The following TFAP2C variants were observed in gnomAD, a reference collection of about 807,000 sequenced individuals.
The protein encoded by TFAP2C is transcription factor AP-2 gamma, also known as activating enhancer-binding protein 2 gamma.
In TFAP2C, 9 loss-of-function variants were observed where a neutral mutation model predicts 42.9. That is an observed-to-expected ratio of 0.21 (90% CI 0.13 to 0.37). The LOEUF (loss-of-function observed/expected upper bound fraction) is 0.37. Ranked by LOEUF, TFAP2C falls within the 10% of genes least tolerant of loss-of-function variation. The pLI is 1.00. For synonymous variants in TFAP2C, 264 were observed against 256.0 expected (o/e 1.03, Z -0.30); for missense variants, 462 against 591.7 (o/e 0.78, Z 2.27).
In TFAP2C at chr20:56,630,824, G is replaced by C. The variant is rs1467538227; in HGVS notation, c.49-381G>C. On this transcript the variant is annotated intron_variant, in intron 1 of 6. Coordinates refer to ENST00000201031, the MANE Select transcript of TFAP2C (RefSeq NM_003222.4). The surrounding 1 kb of genome is among the most constrained non-coding windows in gnomAD (Gnocchi z 5.1). ...GCTCCACGAGATAGCTCTGCACCGG[G>C]CGTCCGGCTCCTTCGCCCCGGGCTC... is the stretch of plus-strand genomic sequence containing the variant. 3.0e-6 allele frequency: 3 copies of C among 985,264 alleles called. No individual in the cohort carries two copies. Among genetic ancestry groups the C allele is most frequent in the Non-Finnish European group, 3.6e-6 (3 of 829,914 alleles). The allele number at this position is 985,264 out of a possible 1,614,324, so 61.0% of individuals were successfully genotyped here.
At chr20:56,633,805 G>A (rs371289080) in intron 4 of TFAP2C, among the ~76,000 whole-genome samples, 13 of 152,178 alleles carry the variant, frequency 8.5e-5, no homozygotes, top group African/African-American at 3.1e-4. Flanking sequence ...TGAAGTGATA[G>A]CATCTGTATT....
chr20:56,633,151 C>G (rs1051662300), intron 3 of TFAP2C, among the ~76,000 whole-genome samples: 1 of 151,518 alleles, frequency 6.6e-6, no homozygotes. Context: ...GAGCAGAGAT[C>G]ACACCACTGC....
rs1987466898 is a variant in TFAP2C at position 56,630,489 on chromosome 20, T to C, written c.49-716T>C. 2 of 354,526 alleles carry C rather than the reference T, an allele frequency of 5.6e-6. No homozygotes were observed. The highest frequency in any genetic ancestry group is 1.1e-5 in the Non-Finnish European group (2 of 175,634). The allele number at this position is 354,526 out of a possible 1,614,324, so 22.0% of individuals were successfully genotyped here. ...AAGGCTGCCCAATTTCCAGGGTTCT[T>C]CATGCCCCCTCTGCGCCCCGACGTG... is the stretch of plus-strand genomic sequence containing the variant. On this transcript the variant is annotated intron_variant, in intron 1 of 6. Coordinates refer to ENST00000201031, the MANE Select transcript of TFAP2C (RefSeq NM_003222.4). The surrounding 1 kb of genome is among the most constrained non-coding windows in gnomAD (Gnocchi z 5.1).
intron 5 of TFAP2C, 106 bp downstream of exon 5, chr20:56,634,374 G>A (rs1294388878): frequency 1.3e-6 from 1 of 776,122 alleles, no homozygotes. Flanking sequence ...TTGGTTGCAA[G>A]TAGAGATGAA....
In TFAP2C at chr20:56,637,332, G is replaced by T. The variant is rs528511935; in HGVS notation, c.1068-396G>T. Among the ~76,000 whole-genome samples the T allele has an allele frequency of 1.5e-3, 231 of 152,306 alleles. 9 individuals are homozygous for T. In the South Asian group the frequency reaches 0.046, roughly 30 times the overall value. On this transcript the variant is annotated intron_variant, in intron 6 of 6. Coordinates refer to ENST00000201031, the MANE Select transcript of TFAP2C (RefSeq NM_003222.4). ...GTGTCAGGAGTCAGAATTTCAGGGG[G>T]ATGCTTCCTTCTCCCGGTTCCTCAC...
Position 56,630,772 on chromosome 20 carries a change from C to T in TFAP2C, c.49-433C>T. ...CTATCCGCGCCTGCCGCGCTGCCAC[C>T]TCCAGCAGTCCCTGCGTCATGGGCG... On this transcript the variant is annotated intron_variant, in intron 1 of 6. Coordinates refer to ENST00000201031, the MANE Select transcript of TFAP2C (RefSeq NM_003222.4). This position sits in a 1 kb window ranked among gnomAD's most constrained non-coding sequence, Gnocchi z 5.1. The T allele has an allele frequency of 1.0e-6, 1 of 985,406 alleles. No individual in the cohort carries two copies. Among genetic ancestry groups the T allele is most frequent in the African/African-American group, 1.7e-5 (1 of 57,366 alleles). 61.0% of individuals were successfully genotyped at this position (985,406 alleles called of 1,614,324 possible).
rs1207004683 is a variant in TFAP2C, at chr20:56,630,813, C to T, written c.49-392C>T. ...GTCATGGGCGGGCTCCACGAGATAGCTCTGCACCGGGCGTCCGGCTCCTTC... is the reference window on the plus strand; with the variant it reads ...GTCATGGGCGGGCTCCACGAGATAGTTCTGCACCGGGCGTCCGGCTCCTTC... On this transcript the variant is annotated intron_variant, in intron 1 of 6. Coordinates refer to ENST00000201031, the MANE Select transcript of TFAP2C (RefSeq NM_003222.4). The surrounding 1 kb of genome is among the most constrained non-coding windows in gnomAD (Gnocchi z 5.1). The T allele has an allele frequency of 1.0e-6, 1 of 985,298 alleles. No homozygotes were observed. Among genetic ancestry groups the T allele is most frequent in the African/African-American group, 1.7e-5 (1 of 57,250 alleles). The allele number at this position is 985,298 out of a possible 1,614,324, so 61.0% of individuals were successfully genotyped here.
Position 56,638,659 on chromosome 20 carries a change from C to CTTTTTTTT in TFAP2C, c.*660_*667dup, listed in dbSNP as rs34794327. The CTTTTTTTT allele has an allele frequency of 8.0e-6, 1 of 124,570 alleles. No individual in the cohort carries two copies. The allele number at this position is 124,570 out of a possible 1,614,324, so 7.7% of individuals were successfully genotyped here. A position where few individuals can be genotyped will look rare whatever the true frequency, so the allele number is the denominator to read the frequency against. On this transcript the variant is annotated 3_prime_UTR_variant, in exon 7 of 7. Transcript: ENST00000201031. ...AAGCCTGCTGATTGATTTTTTTCTC[C>CTTTTTTTT]TTTTTTTTTTTTTTTTTTTTTAACT...
chr20:56,634,234 C>T lies in TFAP2C; in HGVS notation c.888C>T (p.Ala296=), dbSNP rs748900491. ...ATCTTCCGGCCGGGAGGCGGAAAGC[C>T]GCTCATGTGACTCTCCTGACATCCT... is the stretch of plus-strand genomic sequence containing the variant. ...GLNLPAGRRK[A]AHVTLLTSLV... Residue 296 remains alanine (A), a synonymous_variant, in exon 5 of 7, where the codon GCC becomes GCT. Transcript: ENST00000201031. The T allele has an allele frequency of 2.1e-5, 34 of 1,613,936 alleles. No individual in the cohort carries two copies. The highest frequency in any genetic ancestry group is 1.4e-5 in the Non-Finnish European group (16 of 1,179,940).
chr20:56,635,479 G>T (rs1463354093), intron 5 of TFAP2C, among the ~76,000 whole-genome samples: 1 of 151,962 alleles, frequency 6.6e-6, no homozygotes, highest in East Asian at 1.9e-4. Context: ...CTCCAAGTTG[G>T]TTTTTAGGAG....
chr20:56,631,264 G>A lies in TFAP2C; in HGVS notation c.108G>A (p.Gly36=). Residue 36 remains glycine (G), a synonymous_variant, in exon 2 of 7, where the codon GGG becomes GGA. Transcript: ENST00000201031. The surrounding 1 kb of genome is among the most constrained non-coding windows in gnomAD (Gnocchi z 6.1). ...GGGTCCCCCACCTCTCCTCCGCCGG[G>A]CAGCACCTCTACAGCCCCGCGCCAC... ...NPRVPHLSSA[G]QHLYSPAPPL... 6.3e-7 allele frequency: 1 copy of A among 1,590,136 alleles called. No individual in the cohort carries two copies. Among genetic ancestry groups the A allele is most frequent in the East Asian group, 2.4e-5 (1 of 42,026 alleles).
At position 56,631,280 on chromosome 20, in the gene TFAP2C, C is replaced by T; in HGVS notation, c.124C>T (p.Pro42Ser). 1 of 1,605,106 alleles carries T rather than the reference C, an allele frequency of 6.2e-7. No individual in the cohort carries two copies. Residue 42 changes from proline to serine, a missense_variant, in exon 2 of 7, where the codon CCC becomes TCC. Physicochemically the swap from Pro to Ser is moderately conservative, Grantham distance 74 (BLOSUM62 -1). Transcript: ENST00000201031. This position sits in a 1 kb window ranked among gnomAD's most constrained non-coding sequence, Gnocchi z 6.1. ...LSSAGQHLYS[P>S]APPLSHTGVA... ...CTCCGCCGGGCAGCACCTCTACAGCCCCGCGCCACCCCTCTCCCACACTGG... is the reference window on the plus strand; with the variant it reads ...CTCCGCCGGGCAGCACCTCTACAGCTCCGCGCCACCCCTCTCCCACACTGG...
At chr20:56,634,788 TA>T (rs1987554188) in intron 5 of TFAP2C, among the ~76,000 whole-genome samples, 1 of 152,136 alleles carries the variant, frequency 6.6e-6, no homozygotes, top group Non-Finnish European at 1.5e-5. Context: ...AGAAAAAAAC[TA>T]ATCGAACCCC....
intron 6 of TFAP2C, 142 bp downstream of exon 6, chr20:56,636,896 G>GA (rs1987592881): frequency 3.8e-6 from 4 of 1,052,106 alleles, no homozygotes; most frequent in Admixed American, 6.0e-5. Context: ...AATGGCAAGG[G>GA]AGCTTCTTTT....
At chr20:56,632,785 G>A (rs1367854231) in intron 3 of TFAP2C, among the ~76,000 whole-genome samples, 1 of 150,602 alleles carries the variant, frequency 6.6e-6, no homozygotes, top group East Asian at 1.9e-4. Flanking sequence ...GAAAACAAAT[G>A]TTCTAATTAA....
intron 5 of TFAP2C, among the ~76,000 whole-genome samples, chr20:56,635,952 T>A (rs1020243784): frequency 6.6e-6 from 1 of 152,228 alleles, no homozygotes; most frequent in Admixed American, 6.5e-5. Flanking sequence ...GGCAAAAGTC[T>A]GTGTGTGTTC....
In TFAP2C at chr20:56,638,223, A is replaced by G. The variant is rs1290499764; in HGVS notation, c.*210A>G. The G allele has an allele frequency of 3.8e-6, 2 of 529,122 alleles. No individual in the cohort carries two copies. The highest frequency in any genetic ancestry group is 3.8e-5 in the African/African-American group (2 of 52,760). 32.8% of individuals were successfully genotyped at this position (529,122 alleles called of 1,614,324 possible). On this transcript the variant is annotated 3_prime_UTR_variant, in exon 7 of 7. Coordinates refer to ENST00000201031, the MANE Select transcript of TFAP2C (RefSeq NM_003222.4). ...TGAGCTATCTCCTAACTTTGGACCTATTATCAGAAGGTGACAAGTACTGGC... is the reference window on the plus strand; with the variant it reads ...TGAGCTATCTCCTAACTTTGGACCTGTTATCAGAAGGTGACAAGTACTGGC...
rs1283595237 is a variant in TFAP2C, at chr20:56,636,697, C to T, written c.1010C>T (p.Pro337Leu). The T allele has an allele frequency of 6.2e-7, 1 of 1,614,084 alleles. No homozygotes were observed. The highest frequency in any genetic ancestry group is 1.7e-5 in the Admixed American group (1 of 59,994). ...SKPVAEYLTRPHLGGRNEMAA... is the reference protein window; with the variant it reads ...SKPVAEYLTRLHLGGRNEMAA... Reference sequence around the variant, plus strand: ...CCAGTGGCAGAATATTTAACCAGACCTCATCTTGGAGGACGAAATGAGATG... The same window carrying T: ...CCAGTGGCAGAATATTTAACCAGACTTCATCTTGGAGGACGAAATGAGATG... The change falls in exon 6 of 7, where the codon CCT becomes CTT. Residue 337 changes from proline (P) to leucine (L), a missense_variant. Physicochemically the swap from Pro to Leu is moderately conservative, Grantham distance 98. Transcript: ENST00000201031.
intron 5 of TFAP2C, 106 bp downstream of exon 5, chr20:56,634,374 G>C (rs1294388878): frequency 2.6e-6 from 2 of 776,240 alleles, no homozygotes; most frequent in Non-Finnish European, 4.4e-6. Flanking sequence ...TTGGTTGCAA[G>C]TAGAGATGAA....
Sources: gnomAD v4.1 joint callset for allele counts (sites outside exome capture counted in the v4.1 genomes callset) on GRCh38, gnomAD v4.1.1 for gene constraint, Gnocchi (gnomAD v3.1) non-coding constraint, MANE v1.5 for transcripts, NCBI Gene and HGNC (gene_info 2026-07-23, HGNC 2026-07-21) for gene names.